EYS: variants seen among roughly 807,000 people sequenced by gnomAD.
The protein encoded by EYS is protein eyes shut homolog.
Under a neutral mutation model 282.1 loss-of-function variants are expected in EYS, and 250 were observed. The observed-to-expected ratio is 0.89, with a 90% CI of 0.80 to 0.98. The LOEUF is 0.98. Among genes scored for constraint, EYS ranks in the 50% least tolerant of loss-of-function variants. The pLI, the probability that EYS is intolerant of heterozygous loss-of-function variation, is 0.00. For missense variants in EYS, 4,016 were observed against 3,709.0 expected (o/e 1.08, Z -2.15); for synonymous variants, 1,355 against 1,282.9 (o/e 1.06, Z -1.20).
chr6:63,767,612 C>T (rs1162639689), intron 40 of EYS, among the ~76,000 whole-genome samples: 1 of 152,070 alleles, frequency 6.6e-6, no homozygotes, highest in Non-Finnish European at 1.5e-5. Flanking sequence ...ATTTCCTGCT[C>T]ATGGAAAGGA....
At chr6:64,380,229 A>G (rs538397265) in intron 29 of EYS, among the ~76,000 whole-genome samples, 1 of 152,288 alleles carries the variant, frequency 6.6e-6, no homozygotes, top group South Asian at 2.1e-4. Context: ...TAATAACTAT[A>G]TGCTTGAAAC....
At chr6:63,964,442 C>G (rs1178847324) in intron 35 of EYS, among the ~76,000 whole-genome samples, 1 of 152,154 alleles carries the variant, frequency 6.6e-6, no homozygotes, top group Non-Finnish European at 1.5e-5. Flanking sequence ...GATTTCCCTC[C>G]TGTGTTTAAA....
chr6:65,202,565 T>A (rs1360960505), intron 12 of EYS, among the ~76,000 whole-genome samples: 1 of 152,080 alleles, frequency 6.6e-6, no homozygotes, highest in Non-Finnish European at 1.5e-5. Context: ...GAAGATGACA[T>A]CTGCGGCCTG....
chr6:64,301,811 C>T (rs764781005), intron 30 of EYS, among the ~76,000 whole-genome samples: 20 of 152,260 alleles, frequency 1.3e-4, no homozygotes, highest in Non-Finnish European at 2.2e-4. Flanking sequence ...TGTTTACTGA[C>T]GGTTCTGGTA....
At chr6:65,170,169 C>T (rs1177153493) in intron 12 of EYS, among the ~76,000 whole-genome samples, 1 of 151,238 alleles carries the variant, frequency 6.6e-6, no homozygotes, top group Non-Finnish European at 1.5e-5. Context: ...TGGATTTTTA[C>T]AGGTTTTAGA....
intron 20 of EYS, among the ~76,000 whole-genome samples, chr6:64,822,403 C>CTAAT (rs142222949): frequency 0.012 from 1,791 of 152,022 alleles, 35 homozygotes; most frequent in African/African-American, 0.04. Context: ...ATATTAAAGT[C>CTAAT]TAATTAATCC....
At chr6:65,250,191 G>A (rs532695743) in intron 12 of EYS, among the ~76,000 whole-genome samples, 1 of 152,132 alleles carries the variant, frequency 6.6e-6, no homozygotes, top group South Asian at 2.1e-4. Flanking sequence ...TTTCGGTTAA[G>A]AGCATCAAAT....
intron 12 of EYS, among the ~76,000 whole-genome samples, chr6:65,262,120 C>G (rs973824958): frequency 1.3e-5 from 2 of 152,022 alleles, no homozygotes; most frequent in African/African-American, 4.8e-5. Flanking sequence ...AAATAGCTCC[C>G]AGGTGCTTTT....
chr6:64,979,020 A>G (rs1770565939), intron 14 of EYS, among the ~76,000 whole-genome samples: 2 of 151,882 alleles, frequency 1.3e-5, no homozygotes, highest in Admixed American at 1.3e-4. Flanking sequence ...ATATTACATA[A>G]ACAGTTGATA....
chr6:65,665,911 C>T (rs16880423), intron 1 of EYS, among the ~76,000 whole-genome samples: 20,215 of 151,880 alleles, frequency 0.13, 1,520 homozygotes, highest in South Asian at 0.29. Flanking sequence ...TATACACTCC[C>T]AGTTATTTGT....
chr6:65,380,190 G>C (rs1765557397), intron 8 of EYS, among the ~76,000 whole-genome samples: 1 of 152,054 alleles, frequency 6.6e-6, no homozygotes, highest in Non-Finnish European at 1.5e-5. Flanking sequence ...AACAAAGCTG[G>C]AGGCATCATG....
intron 12 of EYS, among the ~76,000 whole-genome samples, chr6:65,294,720 T>G (rs1372357591): frequency 1.3e-5 from 2 of 151,866 alleles, no homozygotes; most frequent in Admixed American, 6.6e-5. Context: ...CATTCTTTAT[T>G]TTATGTAAAA....
At chr6:64,636,061 A>G (rs1406447197) in intron 22 of EYS, among the ~76,000 whole-genome samples, 1 of 152,112 alleles carries the variant, frequency 6.6e-6, no homozygotes, top group Non-Finnish European at 1.5e-5. Context: ...GCTATCAATG[A>G]CTTTATTCAC....
rs1432823818 is a variant in EYS, at chr6:64,813,561, G to A, written c.3260C>T (p.Pro1087Leu). The A allele has an allele frequency of 6.5e-7, 1 of 1,548,298 alleles. No individual in the cohort carries two copies. Among genetic ancestry groups the A allele is most frequent in the Non-Finnish European group, 8.7e-7 (1 of 1,144,854 alleles). The change falls in exon 22 of 43, where the codon CCT (proline) becomes CTT (leucine). Residue 1087 changes from proline to leucine, a missense_variant. Transcript: ENST00000503581. ...KIKINDCTSI[P>L]CMNEGFCQKS... Reference sequence around the variant, plus strand: ...CTGACAGAAGCCTTCATTCATACAAGGGATTGATGTGCAGTCCTAGATTAA... The same window carrying A: ...CTGACAGAAGCCTTCATTCATACAAAGGATTGATGTGCAGTCCTAGATTAA...
intron 8 of EYS, among the ~76,000 whole-genome samples, chr6:65,382,795 AT>A (rs1765668079): frequency 6.6e-6 from 1 of 151,884 alleles, no homozygotes; most frequent in African/African-American, 2.4e-5. Flanking sequence ...CCTGCTTTAT[AT>A]TTTGGCTGTG....
At chr6:65,575,225 G>T (rs1048978826) in intron 2 of EYS, among the ~76,000 whole-genome samples, 4 of 151,872 alleles carry the variant, frequency 2.6e-5, no homozygotes, top group Non-Finnish European at 5.9e-5. Context: ...TACTCCGAAG[G>T]CTGAAGCAGG....
At chr6:65,268,606 T>C (rs1192943122) in intron 12 of EYS, among the ~76,000 whole-genome samples, 1 of 152,042 alleles carries the variant, frequency 6.6e-6, no homozygotes, top group Non-Finnish European at 1.5e-5. Context: ...GCAACCAAGT[T>C]AGAACAGTTA....
chr6:64,205,728 C>T (rs1445850779), intron 31 of EYS, among the ~76,000 whole-genome samples: 5 of 151,824 alleles, frequency 3.3e-5, no homozygotes, highest in Non-Finnish European at 5.9e-5. Context: ...GATGGTGAAA[C>T]GCTGAAGATC....
At chr6:64,402,461 T>A (rs1048967636) in intron 28 of EYS, among the ~76,000 whole-genome samples, 2 of 152,186 alleles carry the variant, frequency 1.3e-5, no homozygotes, top group Non-Finnish European at 2.9e-5. Flanking sequence ...CCTTCTATCC[T>A]AAATAAATGT....
Sources: gnomAD v4.1 joint callset for allele counts (sites outside exome capture counted in the v4.1 genomes callset) on GRCh38, gnomAD v4.1.1 for gene constraint, MANE v1.5 for transcripts, NCBI Gene and HGNC (gene_info 2026-07-23, HGNC 2026-07-21) for gene names.